The following SRRM3 variants were observed in gnomAD, a reference collection of about 807,000 sequenced individuals.
The protein encoded by SRRM3 is serine/arginine repetitive matrix protein 3.
SRRM3 carries 27 observed loss-of-function variants against 66.2 expected under a neutral mutation model. The ratio of observed to expected loss-of-function variants is 0.41; its 90% confidence interval spans 0.30 to 0.56. The LOEUF is 0.56. Ranked by LOEUF, SRRM3 falls within the 20% of genes least tolerant of loss-of-function variation. SRRM3 has a pLI of 0.32. For synonymous variants in SRRM3, 391 were observed against 414.9 expected (o/e 0.94, Z 0.70); for missense variants, 918 against 991.9 (o/e 0.93, Z 1.00).
chr7:76,283,683 G>A (rs1266344606), intron 14 of SRRM3: 25 of 757,050 alleles, frequency 3.3e-5, no homozygotes, highest in Non-Finnish European at 3.7e-5. Flanking sequence ...GGAGGAGGGG[G>A]CACAGCAGTC....
At chr7:76,251,533 C>G (rs1165799031) in intron 3 of SRRM3, among the ~76,000 whole-genome samples, 2 of 152,132 alleles carry the variant, frequency 1.3e-5, no homozygotes, top group African/African-American at 4.8e-5. Flanking sequence ...CGCTGCCACG[C>G]CCGGCTAATT....
chr7:76,230,665 G>A (rs540783372), intron 1 of SRRM3, among the ~76,000 whole-genome samples: 2 of 151,330 alleles, frequency 1.3e-5, no homozygotes, highest in African/African-American at 2.4e-5. Context: ...GAAGGGAAGG[G>A]AACAGAAGGG....
intron 3 of SRRM3, among the ~76,000 whole-genome samples, chr7:76,248,563 C>A (rs1801497802): frequency 6.6e-6 from 1 of 152,114 alleles, no homozygotes; most frequent in Non-Finnish European, 1.5e-5. Context: ...GGAAGGCAGC[C>A]CAGATCTCAG....
rs1801712280 is a variant in SRRM3 at position 76,256,388 on chromosome 7, T to A, written c.336-3518T>A. ...CGGGCGTGGTGGCAGGTGCCTATAA[T>A]CCCAGCTACTTGGGAGAATGAGGCA... On this transcript the variant is annotated intron_variant, in intron 3 of 14. Coordinates refer to ENST00000611745, the MANE Select transcript of SRRM3 (RefSeq NM_001110199.3). 2.0e-5 allele frequency among the ~76,000 whole-genome samples: 3 copies of A among 151,642 alleles called. No individual in the cohort carries two copies. The South Asian group carries it at 6.3e-4, about 32-fold the overall frequency.
chr7:76,246,967 G>A (rs991691116), intron 2 of SRRM3, among the ~76,000 whole-genome samples: 1 of 152,186 alleles, frequency 6.6e-6, no homozygotes, highest in African/African-American at 2.4e-5. Flanking sequence ...CCTGCCTTTC[G>A]AAGTTGCCAG....
intron 1 of SRRM3, among the ~76,000 whole-genome samples, chr7:76,207,027 A>G (rs1800316630): frequency 6.6e-6 from 1 of 152,176 alleles, no homozygotes; most frequent in Non-Finnish European, 1.5e-5. Context: ...ATTTCCCAGG[A>G]CTTCCCAGGA....
At chr7:76,245,222 A>T (rs531566939) in intron 2 of SRRM3, among the ~76,000 whole-genome samples, 1 of 152,220 alleles carries the variant, frequency 6.6e-6, no homozygotes, top group East Asian at 1.9e-4. Context: ...AAGGCTTTTG[A>T]AGATAATTGT....
chr7:76,277,716 C>CAAAAAAAAAAAAAAAAAAAA (rs386353056), intron 11 of SRRM3, among the ~76,000 whole-genome samples: 6 of 102,778 alleles, frequency 5.8e-5, no homozygotes, highest in Non-Finnish European at 5.5e-5. Context: ...TAAACAACAA[C>CAAAAAAAAAAAAAAAAAAAA]AAAAAAAAAA....
At chr7:76,256,897 C>G (rs1554607766) in intron 3 of SRRM3, among the ~76,000 whole-genome samples, 1 of 152,002 alleles carries the variant, frequency 6.6e-6, no homozygotes, top group Non-Finnish European at 1.5e-5. Context: ...TTAGTAGAGA[C>G]AGGGTTTCTC....
intron 1 of SRRM3, among the ~76,000 whole-genome samples, chr7:76,226,905 T>C (rs1554603780): frequency 6.6e-6 from 1 of 152,158 alleles, no homozygotes. Flanking sequence ...GCCACACACT[T>C]AGAGTTAGTA....
rs1016008983 is a variant in SRRM3, at chr7:76,274,275, G to T, written c.1008+6840G>T. Among the ~76,000 whole-genome samples the T allele has an allele frequency of 3.7e-4, 56 of 152,258 alleles. 1 individual carries two copies. Among genetic ancestry groups the T allele is most frequent in the African/African-American group, 1.3e-3 (55 of 41,474 alleles). ...CAAACGGAACTCTGGGCTTCCTCAA[G>T]TCCTTCCCTGGCTGCAGGATGGAGC... On this transcript the variant is annotated intron_variant, in intron 11 of 14. Coordinates refer to ENST00000611745, the MANE Select transcript of SRRM3 (RefSeq NM_001110199.3).
intron 2 of SRRM3, among the ~76,000 whole-genome samples, chr7:76,246,166 G>A (rs1193290199): frequency 6.6e-6 from 1 of 152,174 alleles, no homozygotes; most frequent in Non-Finnish European, 1.5e-5. Flanking sequence ...TCTAAGCCAG[G>A]CACTGTGCAA....
rs191288452 is a variant in SRRM3, at chr7:76,267,804, T to C, written c.1008+369T>C. On this transcript the variant is annotated intron_variant, in intron 11 of 14. Coordinates refer to ENST00000611745, the MANE Select transcript of SRRM3 (RefSeq NM_001110199.3). ...TATTAGGGTGGGAGGGGCATGGACA[T>C]TGATAGGAGTCCCAGGCAGGAGCAG... The C allele has an allele frequency of 4.0e-5, 8 of 201,454 alleles. No individual in the cohort carries two copies. In the East Asian group the frequency reaches 4.5e-4, roughly 11 times the overall value. 12.5% of individuals were successfully genotyped at this position (201,454 alleles called of 1,614,324 possible).
intron 1 of SRRM3, among the ~76,000 whole-genome samples, chr7:76,224,615 C>G (rs868946001): frequency 2.0e-5 from 3 of 152,092 alleles, no homozygotes; most frequent in Admixed American, 2.0e-4. Context: ...TTGTCTCCGT[C>G]GAGGTATTGC....
intron 1 of SRRM3, among the ~76,000 whole-genome samples, chr7:76,221,552 C>G (rs904889184): frequency 6.6e-6 from 1 of 151,470 alleles, no homozygotes; most frequent in Non-Finnish European, 1.5e-5. Context: ...TTAGTAGAGA[C>G]GGGGTTTCAC....
At chr7:76,248,837 G>A (rs976021240) in intron 3 of SRRM3, among the ~76,000 whole-genome samples, 4 of 152,056 alleles carry the variant, frequency 2.6e-5, no homozygotes, top group African/African-American at 7.2e-5. Context: ...AAAGTTATCC[G>A]GGCATAGTGG....
intron 14 of SRRM3, among the ~76,000 whole-genome samples, chr7:76,284,376 C>T (rs374980580): frequency 3.9e-5 from 6 of 152,170 alleles, no homozygotes; most frequent in African/African-American, 1.4e-4. Context: ...CGGGGTTTCA[C>T]CATGTTAGTC....
At chr7:76,271,792 A>T (rs73373445) in intron 11 of SRRM3, among the ~76,000 whole-genome samples, 4,249 of 152,202 alleles carry the variant, frequency 0.028, 117 homozygotes, top group African/African-American at 0.075. Flanking sequence ...TTGCTGGTTG[A>T]CTCAGCTCCT....
intron 2 of SRRM3, among the ~76,000 whole-genome samples, chr7:76,241,489 AC>A: frequency 6.6e-6 from 1 of 152,144 alleles, no homozygotes; most frequent in African/African-American, 2.4e-5. Context: ...TTCAGTTGCT[AC>A]TATTTATTTA....
Sources: gnomAD v4.1 joint callset for allele counts (sites outside exome capture counted in the v4.1 genomes callset) on GRCh38, gnomAD v4.1.1 for gene constraint, MANE v1.5 for transcripts, NCBI Gene and HGNC (gene_info 2026-07-23, HGNC 2026-07-21) for gene names.